Variants in SLC25A13 observed in about 807,000 individuals in gnomAD.
SLC25A13 encodes electrogenic aspartate/glutamate antiporter SLC25A13, mitochondrial.
Under a neutral mutation model 85.5 loss-of-function variants are expected in SLC25A13, and 70 were observed. The ratio of observed to expected loss-of-function variants is 0.82; its 90% CI spans 0.68 to 1.00. The LOEUF (loss-of-function observed/expected upper bound fraction) is 1.00. Among genes scored for constraint, SLC25A13 ranks in the 50% least tolerant of loss-of-function variants. SLC25A13 has a pLI of 0.00. For missense variants in SLC25A13, 765 were observed against 819.8 expected (o/e 0.93, Z 0.82); for synonymous variants, 259 against 288.7 (o/e 0.90, Z 1.04).
chr7:96,269,657 C>A (rs1231218931), intron 3 of SLC25A13, among the ~76,000 whole-genome samples: 3 of 152,216 alleles, frequency 2.0e-5, no homozygotes, highest in African/African-American at 7.2e-5. Context: ...GAGGCATCTG[C>A]ACTTACAGGT....
At chr7:96,259,680 A>G (rs1797772190) in intron 3 of SLC25A13, among the ~76,000 whole-genome samples, 1 of 152,198 alleles carries the variant, frequency 6.6e-6, no homozygotes. Context: ...TAGAAATACC[A>G]TTTGACCTAG....
At position 96,121,352 on chromosome 7, in the gene SLC25A13, G is replaced by A; in HGVS notation, c.1867C>T (p.Pro623Ser). The change falls in exon 18 of 18, where the codon CCT (proline) becomes TCT (serine). Residue 623 changes from proline (P) to serine (S), a missense_variant. By Grantham distance (74) the Pro-to-Ser change is moderately conservative. Coordinates refer to ENST00000265631, the MANE Select transcript of SLC25A13 (RefSeq NM_014251.3). Reference protein sequence around the residue: ...GVKPMGSEPVPKSRINLPAPN... With the variant: ...GVKPMGSEPVSKSRINLPAPN... ...GCAGGCAGGTTGATCCTGGATTTAGGAACTGGCTCTGATCCCATGGGTTTT... is the reference window on the plus strand; with the variant it reads ...GCAGGCAGGTTGATCCTGGATTTAGAAACTGGCTCTGATCCCATGGGTTTT... The A allele has an allele frequency of 6.2e-7, 1 of 1,614,172 alleles. No homozygotes were observed. Among genetic ancestry groups the A allele is most frequent in the Non-Finnish European group, 8.5e-7 (1 of 1,180,018 alleles).
At chr7:96,245,753 G>C (rs1021794008) in intron 3 of SLC25A13, among the ~76,000 whole-genome samples, 1 of 152,120 alleles carries the variant, frequency 6.6e-6, no homozygotes, top group Non-Finnish European at 1.5e-5. Context: ...TTTAAATTAC[G>C]TATTGCCTTC....
chr7:96,293,357 A>G (rs1799203802), intron 2 of SLC25A13, among the ~76,000 whole-genome samples: 1 of 152,238 alleles, frequency 6.6e-6, no homozygotes, highest in Non-Finnish European at 1.5e-5. Context: ...ACCATTCAGG[A>G]CACAGGCATG....
At chr7:96,216,068 AT>A (rs1319151719) in intron 4 of SLC25A13, among the ~76,000 whole-genome samples, 2 of 151,914 alleles carry the variant, frequency 1.3e-5, no homozygotes, top group African/African-American at 2.4e-5. Flanking sequence ...GGCAGGAAGA[AT>A]TGCTTGAACC....
At chr7:96,207,843 G>A (rs1462894191) in intron 5 of SLC25A13, among the ~76,000 whole-genome samples, 2 of 152,148 alleles carry the variant, frequency 1.3e-5, no homozygotes, top group Non-Finnish European at 2.9e-5. Context: ...GTTAGGGAAA[G>A]TGCACCCCAG....
intron 13 of SLC25A13, among the ~76,000 whole-genome samples, chr7:96,165,996 T>C (rs1256381249): frequency 3.3e-5 from 5 of 152,364 alleles, no homozygotes; most frequent in African/African-American, 1.2e-4. Flanking sequence ...CATATGGGAA[T>C]CACCATTATG....
chr7:96,295,254 C>G (rs1000007122), intron 2 of SLC25A13, among the ~76,000 whole-genome samples: 2 of 151,988 alleles, frequency 1.3e-5, no homozygotes, highest in African/African-American at 4.8e-5. Flanking sequence ...TACCCAGGAG[C>G]CTGAAAATCA....
intron 3 of SLC25A13, among the ~76,000 whole-genome samples, chr7:96,262,438 G>A (rs570148790): frequency 5.7e-4 from 87 of 152,180 alleles, no homozygotes; most frequent in Non-Finnish European, 5.9e-4. Flanking sequence ...TTCTTATTCT[G>A]AGAATATGAT....
intron 1 of SLC25A13, among the ~76,000 whole-genome samples, chr7:96,320,675 A>G (rs906263442): frequency 3.3e-5 from 5 of 152,208 alleles, no homozygotes; most frequent in African/African-American, 1.2e-4. Flanking sequence ...GAGCCCACAC[A>G]CCCAGAGTAC....
Position 96,321,948 on chromosome 7 carries a change from G to T in SLC25A13, c.9C>A (p.Ala3=). 1 of 1,541,500 alleles carries T rather than the reference G, an allele frequency of 6.5e-7. No homozygotes were observed. The part of the protein sequence containing the change: MA[A]AKVALTKRAD... ...GCCTCGGGCCCGCGGTTACCTTGGC[G>T]GCCGCCATGATTCGCCCCGGTTGCG... is the stretch of plus-strand genomic sequence containing the variant. The change falls in exon 1 of 18, where the codon GCC becomes GCA. Residue 3 remains alanine, a synonymous_variant. Transcript: ENST00000265631.
At chr7:96,320,530 AG>A (rs1300303869) in intron 1 of SLC25A13, among the ~76,000 whole-genome samples, 1 of 152,214 alleles carries the variant, frequency 6.6e-6, no homozygotes, top group African/African-American at 2.4e-5. Flanking sequence ...TGCAAAAAAA[AG>A]GTCAAGGGCT....
At chr7:96,202,168 G>A (rs1795281251) in intron 5 of SLC25A13, among the ~76,000 whole-genome samples, 1 of 152,112 alleles carries the variant, frequency 6.6e-6, no homozygotes, top group African/African-American at 2.4e-5. Context: ...GTATGCTTTG[G>A]CATCCAACCA....
chr7:96,180,938 C>G (rs1236164634), intron 11 of SLC25A13, among the ~76,000 whole-genome samples: 1 of 152,204 alleles, frequency 6.6e-6, no homozygotes, highest in Non-Finnish European at 1.5e-5. Context: ...CATTAAATCA[C>G]TCTGAAGACT....
At chr7:96,193,601 C>T (rs1794944196) in intron 5 of SLC25A13, among the ~76,000 whole-genome samples, 1 of 152,220 alleles carries the variant, frequency 6.6e-6, no homozygotes, top group South Asian at 2.1e-4. Flanking sequence ...TTAACTGCAA[C>T]CTGGTACCCA....
At chr7:96,275,836 C>T (rs35901868) in intron 3 of SLC25A13, among the ~76,000 whole-genome samples, 98,907 of 151,922 alleles carry the variant, frequency 0.65, 32,470 homozygotes, top group Non-Finnish European at 0.67. Context: ...TGTATACATA[C>T]GTAACTAACC....
At chr7:96,231,933 T>C (rs1411410512) in intron 4 of SLC25A13, among the ~76,000 whole-genome samples, 1 of 152,028 alleles carries the variant, frequency 6.6e-6, no homozygotes, top group African/African-American at 2.4e-5. Flanking sequence ...GCTAGCAAGG[T>C]TGCAGAGAAA....
At chr7:96,171,690 C>G (rs1794010196) in intron 11 of SLC25A13, among the ~76,000 whole-genome samples, 166 bp from the exon 12 acceptor site, 1 of 152,200 alleles carries the variant, frequency 6.6e-6, no homozygotes, top group South Asian at 2.1e-4. Context: ...TAAGTACTAA[C>G]TTCTAACAGC....
chr7:96,232,434 G>C (rs1483439105), intron 4 of SLC25A13, among the ~76,000 whole-genome samples: 1 of 152,028 alleles, frequency 6.6e-6, no homozygotes, highest in Non-Finnish European at 1.5e-5. Context: ...CGGCCTACCA[G>C]AGGGTGGAGG....
Sources: allele counts gnomAD v4.1 joint callset (sites outside exome capture counted in the v4.1 genomes callset), GRCh38; gene constraint gnomAD v4.1.1; transcripts MANE v1.5; gene names NCBI Gene and HGNC (gene_info 2026-07-23, HGNC 2026-07-21).